OSBPL3: variants seen among roughly 807,000 people sequenced by gnomAD.
OSBPL3 encodes the protein oxysterol binding protein like 3, also known as oxysterol-binding protein-related protein 3.
In OSBPL3, 65 loss-of-function variants were observed where a neutral mutation model predicts 120.1. The ratio of observed to expected loss-of-function variants is 0.54; its 90% confidence interval spans 0.44 to 0.67. The LOEUF (loss-of-function observed/expected upper bound fraction) is 0.67, where lower values mean the gene tolerates loss of function less well. OSBPL3 is among the 30% of genes least tolerant of loss of function. The pLI, the probability that OSBPL3 is intolerant of heterozygous loss-of-function variation, is 0.00. For synonymous variants in OSBPL3, 416 were observed against 402.6 expected, an observed-to-expected ratio of 1.03 and a Z score of -0.40; for missense variants, 1,004 against 1,082.1, an observed-to-expected ratio of 0.93 and a Z score of 1.01.
chr7:24,800,360 G>T, intron 22 of OSBPL3, 81 bp from the exon 23 acceptor site: 1 of 769,206 alleles, frequency 1.3e-6, no homozygotes. Context: ...TAACCTCCCT[G>T]CTTTCCCCAT....
At chr7:24,847,059 CAAAAAA>C (rs10712873) in intron 12 of OSBPL3, among the ~76,000 whole-genome samples, 1 of 106,262 alleles carries the variant, frequency 9.4e-6, no homozygotes. Flanking sequence ...GACTCTGTCT[CAAAAAA>C]AAAAAAAAAA....
chr7:24,841,294 ATAT>A (rs1354034763), intron 13 of OSBPL3, among the ~76,000 whole-genome samples: 1 of 120,026 alleles, frequency 8.3e-6, no homozygotes, highest in East Asian at 2.9e-4. Flanking sequence ...TACAATAACC[ATAT>A]TATCATAAAA....
rs915754758 is a variant in OSBPL3, at chr7:24,877,583, G to A, written c.97-5514C>T. ...TACAATCCTACTACCTGGGAAATAG[G>A]GGCCGAAATAAATGTTTACTGAATG... On this transcript the variant is annotated intron_variant, in intron 2 of 22. Coordinates refer to ENST00000313367, the MANE Select transcript of OSBPL3 (RefSeq NM_015550.4). The surrounding 1 kb of genome is among the most constrained non-coding windows in gnomAD (Gnocchi z 4.8). Among the ~76,000 whole-genome samples, 2 of 152,076 alleles carry A rather than the reference G, an allele frequency of 1.3e-5. No individual in the cohort carries two copies. The highest frequency in any genetic ancestry group is 4.8e-5 in the African/African-American group (2 of 41,408).
At position 24,979,551 on chromosome 7, in the gene OSBPL3, C is replaced by T. The variant is rs115606295; in HGVS notation, c.-150+335G>A. On this transcript the variant is annotated intron_variant, in intron 1 of 22. Transcript: ENST00000313367. ...CTAGCCCCGGCGTAGCGCCTCCCCGCTGCCCAGGACAGCTCCGCGCGCCGC... is the reference window on the plus strand; with the variant it reads ...CTAGCCCCGGCGTAGCGCCTCCCCGTTGCCCAGGACAGCTCCGCGCGCCGC... 3.4e-3 allele frequency among the ~76,000 whole-genome samples: 522 copies of T among 152,322 alleles called. 1 individual carries two copies. Among genetic ancestry groups the T allele is most frequent in the African/African-American group, 0.012 (502 of 41,584 alleles).
At position 24,916,530 on chromosome 7, in the gene OSBPL3, T is replaced by C. The variant is rs751954285; in HGVS notation, c.-149-23909A>G. On this transcript the variant is annotated intron_variant, in intron 1 of 22. Transcript: ENST00000313367. The surrounding 1 kb of genome is among the most constrained non-coding windows in gnomAD (Gnocchi z 4.9). Reference sequence around the variant, plus strand: ...GCTTGCATGGTTCTTTTTCCATTTGTTCACCTGATCTGTGTTTCTCTTATT... The same window carrying C: ...GCTTGCATGGTTCTTTTTCCATTTGCTCACCTGATCTGTGTTTCTCTTATT... Among the ~76,000 whole-genome samples, 3 of 152,152 alleles carry C rather than the reference T, an allele frequency of 2.0e-5. No homozygotes were observed. Among genetic ancestry groups the C allele is most frequent in the Non-Finnish European group, 2.9e-5 (2 of 68,028 alleles).
rs1395770461 is a variant in OSBPL3, at chr7:24,958,938, C to A, written c.-150+20948G>T. 3.9e-5 allele frequency among the ~76,000 whole-genome samples: 6 copies of A among 152,154 alleles called. 1 individual carries two copies. Among genetic ancestry groups the A allele is most frequent in the Admixed American group, 3.9e-4 (6 of 15,268 alleles). ...GTTTTTTGTTTAATGTTTGTTTTAA[C>A]ACTGAAATTCTGGCTGGGACTTGAA... On this transcript the variant is annotated intron_variant, in intron 1 of 22. Transcript: ENST00000313367.
intron 1 of OSBPL3, among the ~76,000 whole-genome samples, chr7:24,979,439 G>A (rs1043011404): frequency 6.6e-6 from 1 of 152,182 alleles, no homozygotes; most frequent in African/African-American, 2.4e-5. Flanking sequence ...TGCCCCGCGA[G>A]CGTTGTCTCA....
At chr7:24,837,023 T>C (rs1050416337) in intron 14 of OSBPL3, among the ~76,000 whole-genome samples, 1 of 151,874 alleles carries the variant, frequency 6.6e-6, no homozygotes, top group African/African-American at 2.4e-5. Flanking sequence ...TTTGTAGAGA[T>C]GAGATTTTAC....
intron 1 of OSBPL3, among the ~76,000 whole-genome samples, chr7:24,957,559 T>C (rs1010527342): frequency 3.9e-5 from 6 of 152,198 alleles, no homozygotes; most frequent in Non-Finnish European, 5.9e-5. Context: ...TTTTTGTCCT[T>C]TTACTAACAA....
Position 24,917,401 on chromosome 7 carries a change from CATATATATATATAT to C in OSBPL3, c.-149-24794_-149-24781del, listed in dbSNP as rs59525014. Among the ~76,000 whole-genome samples the C allele has an allele frequency of 1.1e-4, 11 of 100,066 alleles. No homozygotes were observed. The East Asian group carries it at 3.7e-3, about 34-fold the overall frequency. 65.6% of individuals were successfully genotyped at this position (100,066 alleles called of 152,430 possible). A position where few individuals can be genotyped will look rare whatever the true frequency, so the allele number is the denominator to read the frequency against. On this transcript the variant is annotated intron_variant, in intron 1 of 22. Transcript: ENST00000313367. Reference sequence around the variant, plus strand: ...TTGTAACATATATATATATTTGTAACATATATATATATATATATATATATATTTGTAACATATAT... The same window carrying C: ...TTGTAACATATATATATATTTGTAACATATATATATATTTGTAACATATAT...
intron 1 of OSBPL3, among the ~76,000 whole-genome samples, chr7:24,924,283 A>G (rs187748433): frequency 2.0e-5 from 3 of 152,328 alleles, no homozygotes; most frequent in East Asian, 3.9e-4. Flanking sequence ...ACCGAGGGAG[A>G]TAATAGGAGG....
At chr7:24,976,079 T>A (rs1817554103) in intron 1 of OSBPL3, among the ~76,000 whole-genome samples, 1 of 152,194 alleles carries the variant, frequency 6.6e-6, no homozygotes, top group Non-Finnish European at 1.5e-5. Context: ...GAAAATAACT[T>A]GGGGATTGAG....
At chr7:24,976,374 C>T (rs1817590327) in intron 1 of OSBPL3, among the ~76,000 whole-genome samples, 2 of 152,054 alleles carry the variant, frequency 1.3e-5, no homozygotes, top group Admixed American at 1.3e-4. Flanking sequence ...AAAACAGAGA[C>T]AGAGGTAGGA....
At chr7:24,981,246 C>T (rs1818312152), upstream of OSBPL3, among the ~76,000 whole-genome samples, 1 of 152,210 alleles carries the variant, frequency 6.6e-6, no homozygotes, top group South Asian at 2.1e-4. This position sits in a 1 kb window ranked among gnomAD's most constrained non-coding sequence, Gnocchi z 7.3. Flanking sequence ...TGATGGGGCG[C>T]TCACCCTGAG....
At chr7:24,962,465 G>C (rs982743346) in intron 1 of OSBPL3, among the ~76,000 whole-genome samples, 1 of 149,960 alleles carries the variant, frequency 6.7e-6, no homozygotes, top group African/African-American at 2.4e-5. Context: ...GAGGAGGAGA[G>C]AGGAGGAGAG....
rs1232587541 is a variant in OSBPL3 at position 24,896,501 on chromosome 7, G to T, written c.-149-3880C>A. Among the ~76,000 whole-genome samples, 1 of 152,228 alleles carries T rather than the reference G, an allele frequency of 6.6e-6. No individual in the cohort carries two copies. On this transcript the variant is annotated intron_variant, in intron 1 of 22. Transcript: ENST00000313367. This position sits in a 1 kb window ranked among gnomAD's most constrained non-coding sequence, Gnocchi z 4.4. The stretch of plus-strand genomic sequence containing the variant: ...AACCCTGATTTCTACCCAGAATGGG[G>T]AAGAATAAATGACCAACGCACTGTC...
chr7:24,829,632 A>C (rs114261609), intron 16 of OSBPL3, among the ~76,000 whole-genome samples: 1 of 152,156 alleles, frequency 6.6e-6, no homozygotes, highest in African/African-American at 2.4e-5. Flanking sequence ...AGAAGCAATG[A>C]TGTCTAATGT....
intron 10 of OSBPL3, among the ~76,000 whole-genome samples, chr7:24,853,386 ACAT>A (rs558543125): frequency 2.6e-4 from 40 of 152,348 alleles, no homozygotes; most frequent in Non-Finnish European, 2.5e-4. Flanking sequence ...TCATGAGCAA[ACAT>A]CAGACAACCC....
chr7:24,866,828 G>A (rs1801384387), intron 5 of OSBPL3, among the ~76,000 whole-genome samples: 1 of 152,166 alleles, frequency 6.6e-6, no homozygotes, highest in Admixed American at 6.6e-5. Context: ...TTGAGACGGA[G>A]TCTTGCCTTG....
Sources: gnomAD v4.1 joint callset for allele counts (sites outside exome capture counted in the v4.1 genomes callset) on GRCh38, gnomAD v4.1.1 for gene constraint, Gnocchi (gnomAD v3.1) non-coding constraint, MANE v1.5 for transcripts, NCBI Gene and HGNC (gene_info 2026-07-23, HGNC 2026-07-21) for gene names.